ATP1A4: variants seen among roughly 807,000 people sequenced by gnomAD.
ATP1A4 encodes ATPase Na+/K+ transporting subunit alpha 4.
In ATP1A4, 90 loss-of-function variants were observed where a neutral mutation model predicts 114.3. The observed-to-expected ratio is 0.79, with a 90% CI of 0.66 to 0.94. The LOEUF (loss-of-function observed/expected upper bound fraction) is 0.94, where lower values mean the gene tolerates loss of function less well. Among genes scored for constraint, ATP1A4 ranks in the 40% least tolerant of loss-of-function variants. The pLI is 0.00. For missense variants in ATP1A4, 1,222 were observed against 1,313.6 expected, an observed-to-expected ratio of 0.93 and a Z score of 1.08; for synonymous variants, 511 against 494.1, an observed-to-expected ratio of 1.03 and a Z score of -0.45.
intron 6 of ATP1A4, among the ~76,000 whole-genome samples, chr1:160,160,715 C>T (rs565460107): frequency 4.1e-4 from 62 of 152,158 alleles, no homozygotes; most frequent in African/African-American, 1.4e-3. Flanking sequence ...AGGTCTGTCT[C>T]CATATCTCGT....
At position 160,159,512 on chromosome 1, in the gene ATP1A4, C is replaced by G; in HGVS notation, c.764C>G (p.Thr255Ser). The G allele has an allele frequency of 6.2e-7, 1 of 1,613,216 alleles. No individual in the cohort carries two copies. The highest frequency in any genetic ancestry group is 8.5e-7 in the Non-Finnish European group (1 of 1,179,576). ...LETRNICFFS[T>S]NCVEGTARGI... The stretch of plus-strand genomic sequence containing the variant: ...ACCCGAAACATCTGCTTCTTTTCCA[C>G]CAACTGTGTGGAAGGTGAATATCGA... The change falls in exon 6 of 22, where the codon ACC becomes AGC. Residue 255 changes from threonine to serine, a missense_variant. Transcript: ENST00000368081.
At chr1:160,178,028 T>C (rs569474897) in intron 18 of ATP1A4, among the ~76,000 whole-genome samples, 1 of 152,330 alleles carries the variant, frequency 6.6e-6, no homozygotes, top group Admixed American at 6.5e-5. Flanking sequence ...CCTCTCCTCT[T>C]ATACTCTCCC....
chr1:160,166,505 C>G lies in ATP1A4; in HGVS notation c.1048-23C>G, dbSNP rs762829174. ...GAGTATTCCATCTCCCATGTGTATT[C>G]TCTCCTCTCTTCTTGGCTTTAGGTG... On this transcript the variant is annotated intron_variant, in intron 7 of 21. Transcript: ENST00000368081. 7 of 1,613,472 alleles carry G rather than the reference C, an allele frequency of 4.3e-6. No individual in the cohort carries two copies. The South Asian group carries it at 6.6e-5, about 15-fold the overall frequency.
chr1:160,153,964 G>T (rs1353794775), intron 2 of ATP1A4, among the ~76,000 whole-genome samples: 3 of 152,198 alleles, frequency 2.0e-5, no homozygotes, highest in Non-Finnish European at 4.4e-5. Flanking sequence ...TGATTGGCAG[G>T]TTCTACTATC....
chr1:160,168,762 C>T (rs1452938538), intron 10 of ATP1A4, among the ~76,000 whole-genome samples: 2 of 152,148 alleles, frequency 1.3e-5, no homozygotes, highest in Non-Finnish European at 2.9e-5. Context: ...ATAGATCTAT[C>T]CTTTTCTGTC....
At position 160,166,912 on chromosome 1, in the gene ATP1A4, C is replaced by T. The variant is rs552383283; in HGVS notation, c.1247-56C>T. 439 of 1,575,996 alleles carry T rather than the reference C, an allele frequency of 2.8e-4. 4 individuals carry two copies. In the South Asian group the frequency reaches 4.5e-3, roughly 16 times the overall value. ...TGGGTGCCAAAGAGGATGTGAATAA[C>T]CGCTTGCTTAAAATTCTCATTCCCT... is the stretch of plus-strand genomic sequence containing the variant. On this transcript the variant is annotated intron_variant, in intron 8 of 21. Coordinates refer to ENST00000368081, the MANE Select transcript of ATP1A4 (RefSeq NM_144699.4).
chr1:160,167,132 C>G, intron 9 of ATP1A4, 55 bp downstream of exon 9: 1 of 1,582,314 alleles, frequency 6.3e-7, no homozygotes, highest in Non-Finnish European at 8.7e-7. Flanking sequence ...AACCTGACCT[C>G]TCCCAAAAAA....
At position 160,174,057 on chromosome 1, in the gene ATP1A4, C is replaced by G. The variant is rs1385191037; in HGVS notation, c.1992-54C>G. The stretch of plus-strand genomic sequence containing the variant: ...CTATAGTCAAGATGGGCACCAAGAC[C>G]CCTGGTGAATTCTCAACACTCAAAA... On this transcript the variant is annotated intron_variant, in intron 13 of 21. Coordinates refer to ENST00000368081, the MANE Select transcript of ATP1A4 (RefSeq NM_144699.4). 6.9e-6 allele frequency: 11 copies of G among 1,588,430 alleles called. No individual in the cohort carries two copies. The African/African-American group carries it at 9.4e-5, about 14-fold the overall frequency.
chr1:160,159,253 T>G (rs1652784318), intron 5 of ATP1A4, 117 bp downstream of exon 5: 1 of 1,455,074 alleles, frequency 6.9e-7, no homozygotes, highest in Non-Finnish European at 9.3e-7. Context: ...AAGTTACAAG[T>G]GCAGATTTGA....
rs746620310 is a variant in ATP1A4, at chr1:160,182,042, G to C, written c.2969+11G>C. On this transcript the variant is annotated intron_variant, in intron 20 of 21. Transcript: ENST00000368081. ...AATGTACCCACTCAAGTGAGTAAGG[G>C]AAGGGATGCAAGCAGGGGATGTGCA... is the stretch of plus-strand genomic sequence containing the variant. 6.2e-7 allele frequency: 1 copy of C among 1,605,512 alleles called. No individual in the cohort carries two copies. Among genetic ancestry groups the C allele is most frequent in the Admixed American group, 1.7e-5 (1 of 60,006 alleles).
intron 12 of ATP1A4, among the ~76,000 whole-genome samples, chr1:160,172,411 A>G (rs1237460919): frequency 6.6e-6 from 1 of 152,200 alleles, no homozygotes; most frequent in Non-Finnish European, 1.5e-5. Context: ...CCTAAGAGGT[A>G]TATGCCCAGG....
chr1:160,172,118 C>T (rs1012940144), intron 12 of ATP1A4, among the ~76,000 whole-genome samples: 18 of 152,180 alleles, frequency 1.2e-4, no homozygotes, highest in Non-Finnish European at 1.6e-4. Context: ...CTCAGACCAA[C>T]GTGCGTGCAG....
At chr1:160,177,498 C>A in intron 17 of ATP1A4, 21 bp from the exon 18 acceptor site, 1 of 1,613,030 alleles carries the variant, frequency 6.2e-7, no homozygotes, top group Non-Finnish European at 8.5e-7. Flanking sequence ...CTCCCCTGTC[C>A]TGCAACTCTG....
chr1:160,171,642 A>T lies in ATP1A4; in HGVS notation c.1739A>T (p.Asp580Val). 6.2e-7 allele frequency: 1 copy of T among 1,614,162 alleles called. No homozygotes were observed. The highest frequency in any genetic ancestry group is 8.5e-7 in the Non-Finnish European group (1 of 1,180,028). ...SFSKGFPFNT[D>V]EINFPMDNLC... ...TCCAAGGGATTCCCATTTAATACAG[A>T]TGAAATAAATTTCCCCATGGACAAC... The change falls in exon 12 of 22, where the codon GAT becomes GTT. Residue 580 changes from aspartate to valine, a missense_variant. Transcript: ENST00000368081.
chr1:160,152,715 G>A (rs910378195), intron 1 of ATP1A4, among the ~76,000 whole-genome samples: 3 of 152,130 alleles, frequency 2.0e-5, no homozygotes, highest in African/African-American at 4.8e-5. Context: ...CCCGTGAAAT[G>A]TTTCACTTTG....
chr1:160,154,959 TG>T, intron 2 of ATP1A4, 85 bp from the exon 3 acceptor site: 1 of 1,304,084 alleles, frequency 7.7e-7, no homozygotes, highest in East Asian at 2.3e-5. Context: ...AGACCCATTC[TG>T]GGGCTCCAAA....
rs79275622 is a variant in ATP1A4, at chr1:160,177,100, T to C, written c.2591-419T>C. Among the ~76,000 whole-genome samples the C allele has an allele frequency of 4.3e-3, 651 of 152,320 alleles. 7 individuals carry two copies. The highest frequency in any genetic ancestry group is 0.015 in the African/African-American group (613 of 41,570). ...ACTGTAGACAGAGATATCATTTGTG[T>C]TGGGGTCAGCCTTGACAGACATTTG... On this transcript the variant is annotated intron_variant, in intron 17 of 21. Transcript: ENST00000368081.
At chr1:160,166,133 G>A (rs925977833) in intron 7 of ATP1A4, among the ~76,000 whole-genome samples, 10 of 152,148 alleles carry the variant, frequency 6.6e-5, no homozygotes, top group African/African-American at 2.2e-4. Flanking sequence ...AGCTGAACAT[G>A]GTGGTGCATG....
intron 6 of ATP1A4, among the ~76,000 whole-genome samples, chr1:160,162,670 A>C (rs1340810402): frequency 6.6e-6 from 1 of 152,088 alleles, no homozygotes; most frequent in Non-Finnish European, 1.5e-5. Flanking sequence ...AGTAGTGACC[A>C]CCAAAAATGT....
Sources: allele counts gnomAD v4.1 joint callset (sites outside exome capture counted in the v4.1 genomes callset), GRCh38; gene constraint gnomAD v4.1.1; transcripts MANE v1.5; gene names NCBI Gene and HGNC (gene_info 2026-07-23, HGNC 2026-07-21).